Variants in MGMT observed in about 807,000 individuals in gnomAD.
MGMT encodes the protein methylated-DNA--protein-cysteine methyltransferase.
Under a neutral mutation model 15.9 loss-of-function variants are expected in MGMT, and 14 were observed. That is an observed-to-expected ratio of 0.88 (90% CI 0.58 to 1.37). The LOEUF (loss-of-function observed/expected upper bound fraction) is 1.37. Among genes scored for constraint, MGMT ranks in the 40% most tolerant of loss-of-function variants. The probability of loss-of-function intolerance (pLI) is 0.00; values close to 1 mark genes in which losing one functional copy is unlikely to be tolerated. For synonymous variants in MGMT, 130 were observed against 118.2 expected, an observed-to-expected ratio of 1.10 and a Z score of -0.65; for missense variants, 282 against 268.1, an observed-to-expected ratio of 1.05 and a Z score of -0.36.
intron 2 of MGMT, among the ~76,000 whole-genome samples, chr10:129,681,294 G>A (rs772305210): frequency 6.6e-6 from 1 of 152,198 alleles, no homozygotes; most frequent in Non-Finnish European, 1.5e-5. Flanking sequence ...ATGATATATA[G>A]TGTATTTCTC....
At chr10:129,712,167 A>C (rs1026135412) in intron 3 of MGMT, among the ~76,000 whole-genome samples, 2 of 152,170 alleles carry the variant, frequency 1.3e-5, no homozygotes, top group Non-Finnish European at 2.9e-5. Context: ...AAACCCTGCC[A>C]GCAGGTATGG....
At chr10:129,516,439 C>A (rs1199412814) in intron 1 of MGMT, among the ~76,000 whole-genome samples, 1 of 152,120 alleles carries the variant, frequency 6.6e-6, no homozygotes, top group African/African-American at 2.4e-5. Context: ...TGAAGGGATA[C>A]AGGTGTGTCC....
At chr10:129,738,290 G>C (rs1019895605) in intron 3 of MGMT, among the ~76,000 whole-genome samples, 1 of 152,268 alleles carries the variant, frequency 6.6e-6, no homozygotes, top group Non-Finnish European at 1.5e-5. Context: ...GAAAAGGGCA[G>C]TATTCAGGTG....
chr10:129,740,833 C>T (rs1848623297), intron 3 of MGMT, among the ~76,000 whole-genome samples: 1 of 152,196 alleles, frequency 6.6e-6, no homozygotes. Flanking sequence ...CAGGAGAAAG[C>T]ACACTGAACC....
chr10:129,523,828 C>T (rs978923091), intron 1 of MGMT, among the ~76,000 whole-genome samples: 3 of 152,158 alleles, frequency 2.0e-5, no homozygotes, highest in Non-Finnish European at 2.9e-5. Flanking sequence ...GCTGGACTCA[C>T]GAGATTGTGT....
chr10:129,535,395 C>T (rs531517848), intron 1 of MGMT, among the ~76,000 whole-genome samples: 1 of 151,990 alleles, frequency 6.6e-6, no homozygotes, highest in African/African-American at 2.4e-5. Flanking sequence ...GACCTCGTCT[C>T]TAAAAAAAAA....
At chr10:129,723,269 C>T (rs1409144204) in intron 3 of MGMT, among the ~76,000 whole-genome samples, 1 of 152,098 alleles carries the variant, frequency 6.6e-6, no homozygotes, top group African/African-American at 2.4e-5. Flanking sequence ...ATCCCTCACC[C>T]ACTTCCCAAC....
chr10:129,606,051 G>A (rs1846885805), intron 2 of MGMT, among the ~76,000 whole-genome samples: 1 of 152,180 alleles, frequency 6.6e-6, no homozygotes, highest in African/African-American at 2.4e-5. Flanking sequence ...TAGGGGACTG[G>A]CACTAATTTC....
intron 2 of MGMT, among the ~76,000 whole-genome samples, chr10:129,636,979 A>T (rs61859925): frequency 0.054 from 8,267 of 152,286 alleles, 320 homozygotes; most frequent in Middle Eastern, 0.082. Context: ...AGGCTTTATA[A>T]ACCTGTTGGA....
chr10:129,704,245 G>A (rs1452254803), intron 2 of MGMT, among the ~76,000 whole-genome samples: 1 of 152,086 alleles, frequency 6.6e-6, no homozygotes, highest in Non-Finnish European at 1.5e-5. Flanking sequence ...GAAGGAAATT[G>A]GGCAGTGAAA....
chr10:129,585,231 A>C (rs1846605069), intron 2 of MGMT, among the ~76,000 whole-genome samples: 1 of 152,238 alleles, frequency 6.6e-6, no homozygotes, highest in Admixed American at 6.5e-5. Flanking sequence ...AATGGTAAGC[A>C]GGGTTTTTAT....
chr10:129,685,618 C>T (rs1367679467), intron 2 of MGMT, among the ~76,000 whole-genome samples: 3 of 152,140 alleles, frequency 2.0e-5, no homozygotes, highest in African/African-American at 4.8e-5. Context: ...AACAGGAACT[C>T]GTTAAGTAGC....
intron 2 of MGMT, among the ~76,000 whole-genome samples, chr10:129,602,808 T>A (rs1846840375): frequency 6.6e-6 from 1 of 152,134 alleles, no homozygotes; most frequent in African/African-American, 2.4e-5. Context: ...CTTTCTGGTG[T>A]CTACACAGAT....
chr10:129,613,915 GTGGA>G (rs1846991115), intron 2 of MGMT, among the ~76,000 whole-genome samples: 1 of 152,214 alleles, frequency 6.6e-6, no homozygotes, highest in African/African-American at 2.4e-5. Flanking sequence ...CTAATTCATG[GTGGA>G]CATGCATTTT....
At chr10:129,598,066 C>T (rs1846771894) in intron 2 of MGMT, among the ~76,000 whole-genome samples, 2 of 152,084 alleles carry the variant, frequency 1.3e-5, no homozygotes, top group African/African-American at 2.4e-5. Flanking sequence ...CTCTGAGACT[C>T]GGTGCACGTA....
chr10:129,692,610 G>A (rs1283621218), intron 2 of MGMT, among the ~76,000 whole-genome samples: 2 of 152,202 alleles, frequency 1.3e-5, no homozygotes, highest in African/African-American at 4.8e-5. Context: ...ATGCCCCATC[G>A]TTGAGGGATG....
In MGMT at chr10:129,562,335, G is replaced by T. The variant is rs991594138; in HGVS notation, c.125+25958G>T. 2.6e-5 allele frequency among the ~76,000 whole-genome samples: 4 copies of T among 152,180 alleles called. No homozygotes were observed. In the South Asian group the frequency reaches 8.3e-4, roughly 32 times the overall value. ...CTTGCTGGCACCTTGTTCGTCTTTG[G>T]CTCCATCCGGGGATTTGATTGTCAG... On this transcript the variant is annotated intron_variant, in intron 2 of 4. Coordinates refer to ENST00000651593, the MANE Select transcript of MGMT (RefSeq NM_002412.5).
chr10:129,574,294 C>T (rs184188430), intron 2 of MGMT, among the ~76,000 whole-genome samples: 9 of 152,350 alleles, frequency 5.9e-5, no homozygotes, highest in Admixed American at 5.2e-4. Flanking sequence ...GAGAAACCCA[C>T]TGGTCTCAGC....
At chr10:129,698,542 AAAG>A (rs1374805925) in intron 2 of MGMT, among the ~76,000 whole-genome samples, 1 of 152,186 alleles carries the variant, frequency 6.6e-6, no homozygotes, top group Non-Finnish European at 1.5e-5. Context: ...TTAAGCTGGG[AAAG>A]AAGAACGTGC....
Sources: gnomAD v4.1 joint callset for allele counts (sites outside exome capture counted in the v4.1 genomes callset) on GRCh38, gnomAD v4.1.1 for gene constraint, MANE v1.5 for transcripts, NCBI Gene and HGNC (gene_info 2026-07-23, HGNC 2026-07-21) for gene names.